SORCS1: variants seen among roughly 807,000 people sequenced by gnomAD.
The protein encoded by SORCS1 is VPS10 domain-containing receptor SorCS1.
SORCS1 carries 60 observed loss-of-function variants against 146.1 expected under a neutral mutation model. The observed-to-expected ratio is 0.41, with a 90% confidence interval of 0.33 to 0.51. The LOEUF is 0.51. Among genes scored for constraint, SORCS1 ranks in the 20% least tolerant of loss-of-function variants. SORCS1 has a pLI of 0.21. For synonymous variants in SORCS1, 637 were observed against 584.0 expected (o/e 1.09, Z -1.31); for missense variants, 1,352 against 1,487.6 (o/e 0.91, Z 1.50).
chr10:106,888,368 T>C (rs1951089216), intron 2 of SORCS1, among the ~76,000 whole-genome samples: 2 of 152,114 alleles, frequency 1.3e-5, no homozygotes, highest in Non-Finnish European at 1.5e-5. Flanking sequence ...GCCTTTAACA[T>C]TTTTTTCATG....
intron 2 of SORCS1, among the ~76,000 whole-genome samples, chr10:106,854,030 T>C (rs1949691028): frequency 6.6e-6 from 1 of 151,898 alleles, no homozygotes; most frequent in South Asian, 2.1e-4. Flanking sequence ...CTAGATCTGT[T>C]CATTTTTGAA....
intron 3 of SORCS1, among the ~76,000 whole-genome samples, chr10:106,820,203 C>T (rs1479974532): frequency 6.6e-6 from 1 of 152,168 alleles, no homozygotes; most frequent in Non-Finnish European, 1.5e-5. Context: ...TTCTACTCCC[C>T]AAACACACAT....
chr10:106,806,399 T>C (rs984537148), intron 3 of SORCS1, among the ~76,000 whole-genome samples: 1 of 127,548 alleles, frequency 7.8e-6, no homozygotes, highest in Non-Finnish European at 1.6e-5. Context: ...TAAAATAAAA[T>C]AAAATAAAAT....
rs1051983211 is a variant in SORCS1 at position 106,986,233 on chromosome 10, T to A, written c.559-29653A>T. 2.7e-5 allele frequency among the ~76,000 whole-genome samples: 4 copies of A among 147,250 alleles called. No individual in the cohort carries two copies. In the East Asian group the frequency reaches 7.7e-4, roughly 28 times the overall value. ...ATATATGTACATACAGCATGTATAT[T>A]CATATATGTATAACCTATATATACA... is the stretch of plus-strand genomic sequence containing the variant. On this transcript the variant is annotated intron_variant, in intron 1 of 25. Transcript: ENST00000263054.
chr10:106,768,286 C>T (rs1455195235), intron 4 of SORCS1, among the ~76,000 whole-genome samples: 1 of 152,182 alleles, frequency 6.6e-6, no homozygotes, highest in Non-Finnish European at 1.5e-5. Context: ...GAAAATCCTG[C>T]CAAACCAGCA....
At chr10:106,613,601 G>C (rs1307617032) in intron 21 of SORCS1, among the ~76,000 whole-genome samples, 2 of 152,126 alleles carry the variant, frequency 1.3e-5, no homozygotes, top group African/African-American at 4.8e-5. Context: ...TACACTCTCT[G>C]GAGTTGGAGG....
At chr10:107,134,654 T>C (rs749000181) in intron 1 of SORCS1, among the ~76,000 whole-genome samples, 24 of 152,142 alleles carry the variant, frequency 1.6e-4, no homozygotes, top group Admixed American at 5.2e-4. Context: ...AAAAGACTTA[T>C]ATTCCATCAT....
intron 1 of SORCS1, among the ~76,000 whole-genome samples, chr10:107,009,862 AATACGTAAT>A (rs1245973711): frequency 1.2e-4 from 18 of 152,204 alleles, no homozygotes; most frequent in Admixed American, 1.2e-3. Flanking sequence ...ATAGGGAGAC[AATACGTAAT>A]ATAAGTAATG....
chr10:106,700,716 G>A (rs1854077419), intron 8 of SORCS1, among the ~76,000 whole-genome samples: 1 of 152,056 alleles, frequency 6.6e-6, no homozygotes. Flanking sequence ...AGACGTGTAG[G>A]AACAAGACTC....
chr10:107,049,062 T>C (rs975066344), intron 1 of SORCS1, among the ~76,000 whole-genome samples: 6 of 151,396 alleles, frequency 4.0e-5, no homozygotes, highest in Non-Finnish European at 2.9e-5. Flanking sequence ...GTGGCACATA[T>C]ACACCATGGA....
At chr10:107,120,807 ATAC>A (rs1463313269) in intron 1 of SORCS1, among the ~76,000 whole-genome samples, 1 of 152,146 alleles carries the variant, frequency 6.6e-6, no homozygotes, top group Non-Finnish European at 1.5e-5. Flanking sequence ...TTTAATTCCC[ATAC>A]TACATCCCTT....
At chr10:107,108,592 T>C (rs147883900) in intron 1 of SORCS1, among the ~76,000 whole-genome samples, 1 of 152,232 alleles carries the variant, frequency 6.6e-6, no homozygotes, top group South Asian at 2.1e-4. Context: ...CATTGGGGAT[T>C]ACAATTCAAC....
rs575413766 is a variant in SORCS1, at chr10:107,031,445, C to A, written c.559-74865G>T. Among the ~76,000 whole-genome samples, 5 of 152,012 alleles carry A rather than the reference C, an allele frequency of 3.3e-5. No homozygotes were observed. The East Asian group carries it at 7.7e-4, about 23-fold the overall frequency. ...AGAATCAATGCCTAGGGCTTGGAGGCACAGAGTAACATCACTTGGCAAACC... is the reference window on the plus strand; with the variant it reads ...AGAATCAATGCCTAGGGCTTGGAGGAACAGAGTAACATCACTTGGCAAACC... On this transcript the variant is annotated intron_variant, in intron 1 of 25. Transcript: ENST00000263054.
Position 106,956,550 on chromosome 10 carries a change from A to G in SORCS1, c.589T>C (p.Tyr197His). 6.2e-7 allele frequency: 1 copy of G among 1,614,240 alleles called. No individual in the cohort carries two copies. The highest frequency in any genetic ancestry group is 8.5e-7 in the Non-Finnish European group (1 of 1,180,032). Residue 197 changes from tyrosine (Y) to histidine (H), a missense_variant, in exon 2 of 26, where the codon TAT becomes CAT. Coordinates refer to ENST00000263054, the MANE Select transcript of SORCS1 (RefSeq NM_052918.5). ...VILILTKLYD[Y>H]NLGSITESSL... Reference sequence around the variant, plus strand: ...CTCTCTGTGATGCTCCCCAGGTTATAGTCATAGAGCTTTGTCAAAATGAGA... The same window carrying G: ...CTCTCTGTGATGCTCCCCAGGTTATGGTCATAGAGCTTTGTCAAAATGAGA...
intron 1 of SORCS1, among the ~76,000 whole-genome samples, chr10:106,995,031 G>A (rs1956932363): frequency 6.6e-6 from 1 of 152,012 alleles, no homozygotes. Context: ...AAGAACAGCC[G>A]GCCAGGCATG....
rs751019626 is a variant in SORCS1 at position 106,960,583 on chromosome 10, A to G, written c.559-4003T>C. On this transcript the variant is annotated intron_variant, in intron 1 of 25. Coordinates refer to ENST00000263054, the MANE Select transcript of SORCS1 (RefSeq NM_052918.5). The surrounding 1 kb of genome is among the most constrained non-coding windows in gnomAD (Gnocchi z 4.4). ...ACACCCAGCTAATTTTTGTACTTTT[A>G]GTAGAGATGGGATTTCACCATGTTG... is the stretch of plus-strand genomic sequence containing the variant. 3.3e-5 allele frequency among the ~76,000 whole-genome samples: 5 copies of G among 151,928 alleles called. No homozygotes were observed. Among genetic ancestry groups the G allele is most frequent in the Non-Finnish European group, 5.9e-5 (4 of 67,978 alleles).
At chr10:106,863,835 T>G in intron 2 of SORCS1, among the ~76,000 whole-genome samples, 1 of 149,400 alleles carries the variant, frequency 6.7e-6, no homozygotes. Flanking sequence ...AAAAGCAAAG[T>G]AATACAGGAA....
chr10:106,817,847 T>C (rs1394604137), intron 3 of SORCS1, among the ~76,000 whole-genome samples: 3 of 152,200 alleles, frequency 2.0e-5, no homozygotes, highest in East Asian at 1.9e-4. Flanking sequence ...TATTTTTCTG[T>C]TGTGAATGTC....
rs59266340 is a variant in SORCS1 at position 106,681,856 on chromosome 10, G to C, written c.1561-2122C>G. On this transcript the variant is annotated intron_variant, in intron 10 of 25. Transcript: ENST00000263054. Reference sequence around the variant, plus strand: ...AAAAGAAAGATGTCAGGCCGGGCATGGTGGCTCACGCCTGTAATCCCAGCA... The same window carrying C: ...AAAAGAAAGATGTCAGGCCGGGCATCGTGGCTCACGCCTGTAATCCCAGCA... 8.4e-3 allele frequency among the ~76,000 whole-genome samples: 1,284 copies of C among 152,328 alleles called. 20 individuals are homozygous for C. Among genetic ancestry groups the C allele is most frequent in the African/African-American group, 0.029 (1,221 of 41,584 alleles).
Sources: gnomAD v4.1 joint callset for allele counts (sites outside exome capture counted in the v4.1 genomes callset) on GRCh38, gnomAD v4.1.1 for gene constraint, Gnocchi (gnomAD v3.1) non-coding constraint, MANE v1.5 for transcripts, NCBI Gene and HGNC (gene_info 2026-07-23, HGNC 2026-07-21) for gene names.